The following MON2 variants were observed in gnomAD, a reference collection of about 807,000 sequenced individuals.
The protein encoded by MON2 is MON2 regulator of endosome-to-Golgi trafficking.
Under a neutral mutation model 208.6 loss-of-function variants are expected in MON2, and 84 were observed. That is an observed-to-expected ratio of 0.40 (90% CI 0.34 to 0.48). The LOEUF is 0.48. Among genes scored for constraint, MON2 ranks in the 20% least tolerant of loss-of-function variants. The pLI is 0.59. For synonymous variants in MON2, 660 were observed against 694.0 expected, an observed-to-expected ratio of 0.95 and a Z score of 0.77; for missense variants, 1,611 against 2,015.4, an observed-to-expected ratio of 0.80 and a Z score of 3.84.
intron 32 of MON2, among the ~76,000 whole-genome samples, chr12:62,581,856 A>G (rs1034848142): frequency 6.6e-6 from 1 of 152,098 alleles, no homozygotes; most frequent in Admixed American, 6.5e-5. Context: ...AGAAACTGTA[A>G]ATTTGTGCCA....
chr12:62,547,981 A>G (rs1163810903), intron 22 of MON2, among the ~76,000 whole-genome samples: 1 of 152,202 alleles, frequency 6.6e-6, no homozygotes. Context: ...AGTAAGCAAC[A>G]CATGACTGTA....
At position 62,496,993 on chromosome 12, in the gene MON2, T is replaced by A. The variant is rs571571203; in HGVS notation, c.435+1846T>A. Among the ~76,000 whole-genome samples the A allele has an allele frequency of 7.9e-4, 114 of 144,896 alleles. 1 individual carries two copies. The highest frequency in any genetic ancestry group is 2.8e-3 in the African/African-American group (108 of 38,752). On this transcript the variant is annotated intron_variant, in intron 4 of 34. Transcript: ENST00000393630. Reference sequence around the variant, plus strand: ...TATGCAGCCATAAAAAATGATGAGTTCATGTCCTTTGTAGGGACATGGATG... The same window carrying A: ...TATGCAGCCATAAAAAATGATGAGTACATGTCCTTTGTAGGGACATGGATG...
At position 62,483,282 on chromosome 12, in the gene MON2, A is replaced by G. The variant is rs1459850716; in HGVS notation, c.112-888A>G. 2.6e-5 allele frequency among the ~76,000 whole-genome samples: 4 copies of G among 152,316 alleles called. No individual in the cohort carries two copies. The East Asian group carries it at 7.7e-4, about 29-fold the overall frequency. Reference sequence around the variant, plus strand: ...TGTAGCCAAATGGCTACCAAATTGGACAGTGCAGTTCTGTGGCATTCTGTA... The same window carrying G: ...TGTAGCCAAATGGCTACCAAATTGGGCAGTGCAGTTCTGTGGCATTCTGTA... On this transcript the variant is annotated intron_variant, in intron 1 of 34. Transcript: ENST00000393630.
intron 26 of MON2, among the ~76,000 whole-genome samples, chr12:62,562,451 G>A (rs1353315511): frequency 6.6e-6 from 1 of 151,670 alleles, no homozygotes; most frequent in African/African-American, 2.4e-5. Context: ...ACTTTGGAAG[G>A]GTTATTGTTG....
intron 1 of MON2, among the ~76,000 whole-genome samples, chr12:62,467,703 C>T (rs1378313161): frequency 6.6e-6 from 1 of 152,188 alleles, no homozygotes; most frequent in Non-Finnish European, 1.5e-5. Flanking sequence ...GTACTCCTCA[C>T]GTTTATGGCA....
intron 8 of MON2, among the ~76,000 whole-genome samples, chr12:62,523,919 T>G (rs2072198809): frequency 6.6e-6 from 1 of 152,164 alleles, no homozygotes; most frequent in South Asian, 2.1e-4. Context: ...CCTTGAACAT[T>G]ATTTATTTAT....
At position 62,571,342 on chromosome 12, in the gene MON2, G is replaced by A. The variant is rs146580001; in HGVS notation, c.4324-50G>A. The stretch of plus-strand genomic sequence containing the variant: ...GCTGTAGTTTTTCTTAATTAAAATT[G>A]TGTGTGTATGTTTTAATTAATGCTT... On this transcript the variant is annotated intron_variant, in intron 29 of 34. Coordinates refer to ENST00000393630, the MANE Select transcript of MON2 (RefSeq NM_015026.3). 5.9e-5 allele frequency: 73 copies of A among 1,247,798 alleles called. No homozygotes were observed. The African/African-American group carries it at 6.9e-4, about 12-fold the overall frequency. 77.3% of individuals were successfully genotyped at this position (1,247,798 alleles called of 1,614,324 possible). A position where few individuals can be genotyped will look rare whatever the true frequency, so the allele number is the denominator to read the frequency against.
chr12:62,479,213 C>T (rs967677225), intron 1 of MON2, among the ~76,000 whole-genome samples: 4 of 152,122 alleles, frequency 2.6e-5, no homozygotes, highest in African/African-American at 4.8e-5. Flanking sequence ...TTACAGCCAT[C>T]CTTTGATATC....
chr12:62,485,352 A>C (rs528854893), intron 2 of MON2, among the ~76,000 whole-genome samples: 3 of 152,234 alleles, frequency 2.0e-5, no homozygotes, highest in Non-Finnish European at 4.4e-5. Context: ...CATTTTTTAA[A>C]AGGGATACCA....
At chr12:62,518,912 A>T (rs1206884767) in intron 8 of MON2, among the ~76,000 whole-genome samples, 3 of 152,190 alleles carry the variant, frequency 2.0e-5, no homozygotes, top group Non-Finnish European at 4.4e-5. Context: ...AGTTTCTTCA[A>T]GGGCAAAAGT....
chr12:62,468,248 C>G (rs992168046), intron 1 of MON2, among the ~76,000 whole-genome samples: 1 of 151,686 alleles, frequency 6.6e-6, no homozygotes, highest in Non-Finnish European at 1.5e-5. Context: ...GTTGGTCAGG[C>G]GGGTCTCGAA....
Position 62,467,328 on chromosome 12 carries a change from A to C in MON2, c.111+10A>C. 1 of 1,608,116 alleles carries C rather than the reference A, an allele frequency of 6.2e-7. No individual in the cohort carries two copies. The highest frequency in any genetic ancestry group is 8.5e-7 in the Non-Finnish European group (1 of 1,174,664). ...CCCACCTGTCAAAGAGGTAAGCTTC[A>C]GGTGACGTCAGGAGAAGGCACTGTG... On this transcript the variant is annotated intron_variant, in intron 1 of 34. Coordinates refer to ENST00000393630, the MANE Select transcript of MON2 (RefSeq NM_015026.3).
In MON2 at chr12:62,596,801, A is replaced by G. The variant is rs2075536052; in HGVS notation, c.*4052A>G. ...AATGAAAAGTGTTTATAGATTCAGA[A>G]AGAGAGATGATATCTTTGTATCTTG... On this transcript the variant is annotated 3_prime_UTR_variant, in exon 35 of 35. Transcript: ENST00000393630. 1 of 152,216 alleles carries G rather than the reference A, an allele frequency of 6.6e-6. No individual in the cohort carries two copies. Among genetic ancestry groups the G allele is most frequent in the South Asian group, 2.1e-4 (1 of 4,836 alleles). The allele number at this position is 152,216 out of a possible 1,614,324, so 9.4% of individuals were successfully genotyped here.
rs563883576 is a variant in MON2 at position 62,594,999 on chromosome 12, G to A, written c.*2250G>A. ...TTCTCCAGTGACTAGAAGAACTGGG[G>A]TGTGTGAAAGTATTCGATGCCAGGA... is the stretch of plus-strand genomic sequence containing the variant. On this transcript the variant is annotated 3_prime_UTR_variant, in exon 35 of 35. Transcript: ENST00000393630. The A allele has an allele frequency of 4.6e-5, 7 of 152,194 alleles. No homozygotes were observed. Among genetic ancestry groups the A allele is most frequent in the African/African-American group, 1.7e-4 (7 of 41,438 alleles). The allele number at this position is 152,194 out of a possible 1,614,324, so 9.4% of individuals were successfully genotyped here. A position where few individuals can be genotyped will look rare whatever the true frequency, so the allele number is the denominator to read the frequency against.
Position 62,596,581 on chromosome 12 carries a change from G to A in MON2, c.*3832G>A, listed in dbSNP as rs1326349350. On this transcript the variant is annotated 3_prime_UTR_variant, in exon 35 of 35. Transcript: ENST00000393630. ...AGCATCACATTTTACTATGCTTAGT[G>A]TTCCTGGGTTGTATTTATCTACATT... The A allele has an allele frequency of 2.6e-5, 4 of 152,178 alleles. No homozygotes were observed. The highest frequency in any genetic ancestry group is 7.2e-5 in the African/African-American group (3 of 41,442). 9.4% of individuals were successfully genotyped at this position (152,178 alleles called of 1,614,324 possible). A position where few individuals can be genotyped will look rare whatever the true frequency, so the allele number is the denominator to read the frequency against.
At chr12:62,578,664 T>C (rs1344051922) in intron 31 of MON2, among the ~76,000 whole-genome samples, 159 bp downstream of exon 31, 2 of 152,234 alleles carry the variant, frequency 1.3e-5, no homozygotes, top group East Asian at 3.8e-4. Context: ...TTTAAAGGAC[T>C]GGCATTTTAA....
In MON2 at chr12:62,565,339, C is replaced by T; in HGVS notation, c.4135C>T (p.Gln1379Ter). The part of the protein sequence containing the change: ...EFSCKPPQYG[Q>*]LETKHIANAK... ...TTCCTGTAAACCTCCACAGTATGGA[C>T]AGCTGGAAACAAAGCACATTGCAAA... Residue 1379 changes from glutamine (Q) to a stop codon, truncating the protein, a stop_gained, in exon 27 of 35, where the codon CAG (glutamine) becomes TAG (stop). Coordinates refer to ENST00000393630, the MANE Select transcript of MON2 (RefSeq NM_015026.3). LOFTEE classifies it high-confidence loss of function. 6.2e-7 allele frequency: 1 copy of T among 1,611,158 alleles called. No homozygotes were observed. Among genetic ancestry groups the T allele is most frequent in the Non-Finnish European group, 8.5e-7 (1 of 1,178,610 alleles).
rs138597890 is a variant in MON2, at chr12:62,537,691, C to G, written c.2103C>G (p.Val701=). 1.7e-3 allele frequency: 2,665 copies of G among 1,611,602 alleles called. 5 individuals are homozygous for G. Among genetic ancestry groups the G allele is most frequent in the Admixed American group, 3.5e-3 (208 of 59,430 alleles). The change falls in exon 16 of 35, where the codon GTC becomes GTG. Residue 701 remains valine, a synonymous_variant. Transcript: ENST00000393630. The part of the protein sequence containing the change: ...GAVLGTSWQL[V]LATLQHLVWI... Reference sequence around the variant, plus strand: ...TTCTTGGAACATCATGGCAACTTGTCTTGGCAACTCTTCAGGTATGTAAAA... The same window carrying G: ...TTCTTGGAACATCATGGCAACTTGTGTTGGCAACTCTTCAGGTATGTAAAA...
In MON2 at chr12:62,525,151, C is replaced by T. The variant is rs1470146826; in HGVS notation, c.1177C>T (p.Leu393=). ...TKVFRDIVNA[L]GSFIQSLFLV... is the part of the protein sequence containing the mutation. ...GGTTTTTCGTGATATTGTAAATGCA[C>T]TGGGATCTTTTATACAGTCCTTGTT... The change falls in exon 10 of 35, where the codon CTG becomes TTG. Residue 393 remains leucine (L), a synonymous_variant. Coordinates refer to ENST00000393630, the MANE Select transcript of MON2 (RefSeq NM_015026.3). 6.2e-7 allele frequency: 1 copy of T among 1,612,142 alleles called. No individual in the cohort carries two copies. The highest frequency in any genetic ancestry group is 1.7e-5 in the Admixed American group (1 of 59,976).
Sources: allele counts gnomAD v4.1 joint callset (sites outside exome capture counted in the v4.1 genomes callset), GRCh38; gene constraint gnomAD v4.1.1; transcripts MANE v1.5; gene names NCBI Gene and HGNC (gene_info 2026-07-23, HGNC 2026-07-21).